BANK1: variants seen among roughly 807,000 people sequenced by gnomAD.
BANK1 encodes the protein B-cell scaffold protein with ankyrin repeats.
Under a neutral mutation model 94.5 loss-of-function variants are expected in BANK1, and 95 were observed. The observed-to-expected ratio is 1.00, with a 90% CI of 0.85 to 1.19. BANK1 has a LOEUF of 1.19. Among genes scored for constraint, BANK1 ranks in the 50% most tolerant of loss-of-function variants. The probability of loss-of-function intolerance (pLI) is 0.00; values close to 1 mark genes in which losing one functional copy is unlikely to be tolerated. For missense variants in BANK1, 987 were observed against 932.2 expected, an observed-to-expected ratio of 1.06 and a Z score of -0.77; for synonymous variants, 334 against 308.4, an observed-to-expected ratio of 1.08 and a Z score of -0.87.
chr4:102,028,151 G>A (rs1727165914), intron 9 of BANK1, among the ~76,000 whole-genome samples: 3 of 152,228 alleles, frequency 2.0e-5, no homozygotes, highest in Admixed American at 1.3e-4. Flanking sequence ...AGGTGGGTGG[G>A]GAAACAAAGA....
chr4:101,937,683 A>G (rs1326995678), intron 7 of BANK1, among the ~76,000 whole-genome samples: 1 of 151,912 alleles, frequency 6.6e-6, no homozygotes, highest in Non-Finnish European at 1.5e-5. Context: ...CAACGTGGTG[A>G]TCCCTCAAGG....
At position 102,071,250 on chromosome 4, in the gene BANK1, G is replaced by A. The variant is rs1728749581; in HGVS notation, c.2213-25G>A. 5 of 1,611,824 alleles carry A rather than the reference G, an allele frequency of 3.1e-6. No individual in the cohort carries two copies. In the East Asian group the frequency reaches 8.9e-5, roughly 29 times the overall value. ...GATAAATATTGAACAAAACTCAGTA[G>A]AACATGCTTTTTTTTGTCTTCCAGA... On this transcript the variant is annotated intron_variant, in intron 13 of 16. Coordinates refer to ENST00000322953, the MANE Select transcript of BANK1 (RefSeq NM_017935.5).
intron 11 of BANK1, among the ~76,000 whole-genome samples, chr4:102,046,272 T>C (rs2450406): frequency 0.16 from 24,148 of 151,912 alleles, 2,205 homozygotes; most frequent in East Asian, 0.3. Context: ...CCCTTCCTTA[T>C]ACCTTATACA....
At chr4:101,830,473 A>C (rs987230079) in intron 2 of BANK1, among the ~76,000 whole-genome samples, 1 of 152,144 alleles carries the variant, frequency 6.6e-6, no homozygotes, top group Non-Finnish European at 1.5e-5. Flanking sequence ...AGATCATGGC[A>C]GAACAAGTAT....
chr4:101,961,349 T>A (rs951388586), intron 7 of BANK1, among the ~76,000 whole-genome samples: 1 of 152,148 alleles, frequency 6.6e-6, no homozygotes, highest in Admixed American at 6.6e-5. Context: ...ACTGAGCCTA[T>A]TATGCTGAGT....
chr4:101,899,434 A>G (rs889495435), intron 6 of BANK1, among the ~76,000 whole-genome samples: 4 of 152,186 alleles, frequency 2.6e-5, no homozygotes, highest in Non-Finnish European at 5.9e-5. Flanking sequence ...TCTCTTGCCA[A>G]TAATAATTTT....
intron 9 of BANK1, among the ~76,000 whole-genome samples, chr4:102,028,802 A>C (rs1193695926): frequency 6.6e-6 from 1 of 151,986 alleles, no homozygotes; most frequent in African/African-American, 2.4e-5. Context: ...TGAAACCTAT[A>C]ATTTTATTCT....
intron 1 of BANK1, among the ~76,000 whole-genome samples, chr4:101,800,321 T>G (rs1172988502): frequency 6.6e-6 from 1 of 152,126 alleles, no homozygotes; most frequent in African/African-American, 2.4e-5. Flanking sequence ...CTGTCTCGTA[T>G]TTTTCATTCC....
chr4:101,817,239 C>T (rs968312661), intron 1 of BANK1, among the ~76,000 whole-genome samples: 3 of 152,012 alleles, frequency 2.0e-5, no homozygotes, highest in Admixed American at 6.6e-5. Flanking sequence ...TTATGTTCAT[C>T]GCAGCATTAT....
At chr4:101,939,493 C>T (rs1286507843) in intron 7 of BANK1, among the ~76,000 whole-genome samples, 2 of 151,666 alleles carry the variant, frequency 1.3e-5, no homozygotes, top group Non-Finnish European at 3.0e-5. Context: ...TAGTGGATGC[C>T]TCCATCTTGT....
intron 10 of BANK1, among the ~76,000 whole-genome samples, chr4:102,033,236 T>C (rs1727390099): frequency 6.6e-6 from 1 of 152,208 alleles, no homozygotes; most frequent in African/African-American, 2.4e-5. Context: ...TTGTGTACCA[T>C]GTCCAAAACT....
intron 7 of BANK1, among the ~76,000 whole-genome samples, chr4:101,963,352 C>G (rs1288581650): frequency 6.6e-6 from 1 of 152,082 alleles, no homozygotes; most frequent in Non-Finnish European, 1.5e-5. Context: ...GACATCATTA[C>G]AAAATGAAAT....
intron 6 of BANK1, among the ~76,000 whole-genome samples, chr4:101,910,111 T>C (rs1360552039): frequency 3.3e-5 from 5 of 152,208 alleles, no homozygotes; most frequent in Non-Finnish European, 7.3e-5. Context: ...TCTCAAACTT[T>C]AGCAGGCTTC....
intron 1 of BANK1, among the ~76,000 whole-genome samples, chr4:101,800,339 A>G (rs191211149): frequency 1.0e-3 from 157 of 149,702 alleles, no homozygotes; most frequent in African/African-American, 3.7e-3. Flanking sequence ...TCCTTCTTCT[A>G]TGTTTCTGGA....
intron 2 of BANK1, among the ~76,000 whole-genome samples, chr4:101,838,342 A>G (rs1036285130): frequency 1.3e-5 from 2 of 152,164 alleles, no homozygotes; most frequent in Admixed American, 1.3e-4. Flanking sequence ...TGAATCAAAA[A>G]CTAAGGTACA....
At chr4:101,933,573 TAAAATATAATTTA>T (rs1310356527) in intron 7 of BANK1, among the ~76,000 whole-genome samples, 1 of 151,560 alleles carries the variant, frequency 6.6e-6, no homozygotes, top group African/African-American at 2.4e-5. Flanking sequence ...TAAGTTATTT[TAAAATATAATTTA>T]GCATATATAA....
intron 1 of BANK1, among the ~76,000 whole-genome samples, chr4:101,801,699 G>A (rs758783271): frequency 6.6e-6 from 1 of 152,070 alleles, no homozygotes; most frequent in African/African-American, 2.4e-5. Context: ...TCATCTGTGT[G>A]TTATATATTC....
At chr4:101,923,395 A>G (rs867436535) in intron 7 of BANK1, among the ~76,000 whole-genome samples, 3 of 151,672 alleles carry the variant, frequency 2.0e-5, no homozygotes, top group South Asian at 2.1e-4. Flanking sequence ...CATTTAGCTC[A>G]CTACTAAAGC....
At chr4:102,063,372 T>C (rs2148964949) in intron 13 of BANK1, among the ~76,000 whole-genome samples, 1 of 152,044 alleles carries the variant, frequency 6.6e-6, no homozygotes, top group Non-Finnish European at 1.5e-5. Flanking sequence ...ATACTTATCA[T>C]ATTCTCTGGT....
Sources: allele counts gnomAD v4.1 joint callset (sites outside exome capture counted in the v4.1 genomes callset), GRCh38; gene constraint gnomAD v4.1.1; transcripts MANE v1.5; gene names NCBI Gene and HGNC (gene_info 2026-07-23, HGNC 2026-07-21).